Variants in CABIN1 observed in about 807,000 individuals in gnomAD.
The protein encoded by CABIN1 is calcineurin binding protein 1.
Under a neutral mutation model 227.7 loss-of-function variants are expected in CABIN1, and 133 were observed. The observed-to-expected ratio is 0.58, with a 90% CI of 0.51 to 0.67. The LOEUF (loss-of-function observed/expected upper bound fraction) is 0.67, where lower values mean the gene tolerates loss of function less well. CABIN1 is among the 30% of genes least tolerant of loss of function. CABIN1 has a pLI of 0.00. For missense variants in CABIN1, 2,408 were observed against 2,852.5 expected, an observed-to-expected ratio of 0.84 and a Z score of 3.55; for synonymous variants, 1,086 against 1,155.1, an observed-to-expected ratio of 0.94 and a Z score of 1.21.
chr22:24,170,436 C>T (rs983137268), intron 33 of CABIN1, among the ~76,000 whole-genome samples: 19 of 152,208 alleles, frequency 1.2e-4, no homozygotes, highest in South Asian at 6.2e-4. Context: ...CGCTCCTGAG[C>T]GAGCACAGGG....
intron 19 of CABIN1, among the ~76,000 whole-genome samples, chr22:24,080,671 G>T (rs1212226291): frequency 6.6e-6 from 1 of 151,744 alleles, no homozygotes; most frequent in African/African-American, 2.4e-5. Context: ...TTGTTAGATT[G>T]TTGCCTAGGT....
At chr22:24,036,533 G>A (rs1318901802) in intron 3 of CABIN1, among the ~76,000 whole-genome samples, 1 of 152,070 alleles carries the variant, frequency 6.6e-6, no homozygotes, top group African/African-American at 2.4e-5. Context: ...TCACTTTACA[G>A]TGTGATGAGA....
At position 24,178,228 on chromosome 22, in the gene CABIN1, G is replaced by T; in HGVS notation, c.*32G>T. 1 of 1,611,812 alleles carries T rather than the reference G, an allele frequency of 6.2e-7. No individual in the cohort carries two copies. The highest frequency in any genetic ancestry group is 1.1e-5 in the South Asian group (1 of 91,002). ...ACTGCAGCCCCACCGCCACGCCCCAGGGGACCAGCCAGGCCTGGAATGCCC... is the reference window on the plus strand; with the variant it reads ...ACTGCAGCCCCACCGCCACGCCCCATGGGACCAGCCAGGCCTGGAATGCCC... On this transcript the variant is annotated 3_prime_UTR_variant, in exon 37 of 37. Coordinates refer to ENST00000263119, the MANE Select transcript of CABIN1 (RefSeq NM_012295.4).
intron 29 of CABIN1, among the ~76,000 whole-genome samples, chr22:24,162,471 C>T (rs2046214631): frequency 2.0e-5 from 3 of 152,234 alleles, no homozygotes; most frequent in Non-Finnish European, 2.9e-5. Context: ...AGCCCCCATA[C>T]TGGGGCATGT....
In CABIN1 at chr22:24,049,084, C is replaced by T. The variant is rs375776427; in HGVS notation, c.527-7C>T. 1.9e-6 allele frequency: 3 copies of T among 1,613,696 alleles called. No homozygotes were observed. The African/African-American group carries it at 4.0e-5, about 22-fold the overall frequency. On this transcript the variant is annotated splice_polypyrimidine_tract_variant and splice_region_variant and intron_variant, in intron 6 of 36. Coordinates refer to ENST00000263119, the MANE Select transcript of CABIN1 (RefSeq NM_012295.4). Reference sequence around the variant, plus strand: ...CAGAAGTCATAAACTGTCTCTTTCCCCGCCAGCATGTCTGTACTTCATCTG... The same window carrying T: ...CAGAAGTCATAAACTGTCTCTTTCCTCGCCAGCATGTCTGTACTTCATCTG...
chr22:24,072,029 C>T (rs556129177), intron 17 of CABIN1, among the ~76,000 whole-genome samples: 76 of 152,306 alleles, frequency 5.0e-4, no homozygotes, highest in African/African-American at 1.7e-3. Context: ...ACTCTTTGCA[C>T]TTGTGTAGCT....
chr22:24,061,599 GGAAT>G (rs1158439397), intron 12 of CABIN1, among the ~76,000 whole-genome samples: 1 of 152,230 alleles, frequency 6.6e-6, no homozygotes, highest in East Asian at 1.9e-4. Flanking sequence ...AAGTGCCCTG[GGAAT>G]GGTATACCAG....
intron 1 of CABIN1, among the ~76,000 whole-genome samples, chr22:24,032,182 C>A (rs2036546221): frequency 6.6e-6 from 1 of 152,200 alleles, no homozygotes; most frequent in African/African-American, 2.4e-5. Flanking sequence ...CACCATTCTA[C>A]TTTCTGTCTG....
chr22:24,086,000 A>G (rs771051939), intron 22 of CABIN1, among the ~76,000 whole-genome samples: 2 of 152,230 alleles, frequency 1.3e-5, no homozygotes, highest in African/African-American at 2.4e-5. Flanking sequence ...CCACCTTGTC[A>G]GGATCCATCT....
At position 24,062,166 on chromosome 22, in the gene CABIN1, C is replaced by T. The variant is rs539584603; in HGVS notation, c.1696+141C>T. On this transcript the variant is annotated intron_variant, in intron 13 of 36. Coordinates refer to ENST00000263119, the MANE Select transcript of CABIN1 (RefSeq NM_012295.4). ...ATTTTTTGGGTTGGCTTGTCAGGGTCCCAGGGAAATCTCCTGGATACTCAA... is the reference window on the plus strand; with the variant it reads ...ATTTTTTGGGTTGGCTTGTCAGGGTTCCAGGGAAATCTCCTGGATACTCAA... 71 of 723,618 alleles carry T rather than the reference C, an allele frequency of 9.8e-5. 1 individual carries two copies. The South Asian group carries it at 1.0e-3, about 11-fold the overall frequency. 44.8% of individuals were successfully genotyped at this position (723,618 alleles called of 1,614,324 possible).
In CABIN1 at chr22:24,167,095, C is replaced by G. The variant is rs1307769845; in HGVS notation, c.5464C>G (p.Pro1822Ala). 1 of 1,546,116 alleles carries G rather than the reference C, an allele frequency of 6.5e-7. No homozygotes were observed. Among genetic ancestry groups the G allele is most frequent in the South Asian group, 1.2e-5 (1 of 83,882 alleles). ...CACCCCAGCCCAGCCAGCCCCCGCCCCCGCCCCCGCCACCACCACAGGGAC... is the reference window on the plus strand; with the variant it reads ...CACCCCAGCCCAGCCAGCCCCCGCCGCCGCCCCCGCCACCACCACAGGGAC... ...PLTPAQPAPA[P>A]APATTTGTRA... Residue 1822 changes from proline to alanine, a missense_variant, in exon 32 of 37, where the codon CCC becomes GCC. Physicochemically the swap from Pro to Ala is conservative, Grantham distance 27. Around this residue, in one of 3 missense-constraint regions of CABIN1, gnomAD observed 714 missense variants for 773.8 expected, o/e 0.92. Coordinates refer to ENST00000263119, the MANE Select transcript of CABIN1 (RefSeq NM_012295.4).
At chr22:24,106,770 G>T (rs1002898227) in intron 26 of CABIN1, among the ~76,000 whole-genome samples, 3 of 152,134 alleles carry the variant, frequency 2.0e-5, no homozygotes, top group South Asian at 2.1e-4. Flanking sequence ...ATGGAGGCTG[G>T]GGCACTGTCT....
chr22:24,103,400 C>G (rs1238588773), intron 26 of CABIN1: 1 of 152,166 alleles, frequency 6.6e-6, no homozygotes, highest in Non-Finnish European at 1.5e-5. Flanking sequence ...TGTAAAAATG[C>G]AAATTGTGCA....
At chr22:24,127,050 G>A (rs1439866451) in intron 28 of CABIN1, among the ~76,000 whole-genome samples, 2 of 152,010 alleles carry the variant, frequency 1.3e-5, no homozygotes, top group South Asian at 2.1e-4. Context: ...TCGCAAGGTT[G>A]TGGAAGAAGA....
Position 24,093,571 on chromosome 22 carries a change from T to TA in CABIN1, c.3786+1737dup, listed in dbSNP as rs1010261303. 2.7e-5 allele frequency among the ~76,000 whole-genome samples: 4 copies of TA among 148,706 alleles called. No individual in the cohort carries two copies. In the East Asian group the frequency reaches 8.0e-4, roughly 30 times the overall value. ...AAAGAAAGGAAAAAAAAAACTCATT[T>TA]AAAAAAAAATGTTTGGGCCAGGCAT... On this transcript the variant is annotated intron_variant, in intron 24 of 36. Transcript: ENST00000263119.
intron 28 of CABIN1, among the ~76,000 whole-genome samples, chr22:24,133,810 C>T (rs1294054221): frequency 6.6e-6 from 1 of 152,228 alleles, no homozygotes; most frequent in East Asian, 1.9e-4. Context: ...CTCCCCTGGG[C>T]CTGGATTCCA....
At chr22:24,083,138 A>T (rs2040920586) in intron 19 of CABIN1, 90 bp from the exon 20 acceptor site, 6 of 1,336,248 alleles carry the variant, frequency 4.5e-6, no homozygotes, top group Non-Finnish European at 5.4e-6. Context: ...AAAAGAGTTG[A>T]TAGAGTGGTG....
rs374498462 is a variant in CABIN1, at chr22:24,040,644, C to A, written c.211-495C>A. 5.3e-4 allele frequency among the ~76,000 whole-genome samples: 80 copies of A among 152,354 alleles called. 2 individuals are homozygous for A. In the South Asian group the frequency reaches 0.011, roughly 22 times the overall value. On this transcript the variant is annotated intron_variant, in intron 4 of 36. Transcript: ENST00000263119. ...TTTTCTTAATTACAGAGGTCAGACA[C>A]TAACGTTTTAGTTAAATTAGCAATT...
chr22:24,131,916 A>G (rs1226692168), intron 28 of CABIN1, among the ~76,000 whole-genome samples: 2 of 152,140 alleles, frequency 1.3e-5, no homozygotes, highest in African/African-American at 4.8e-5. Context: ...AAATACAAAA[A>G]TTAGCCAGGC....
Sources: allele counts gnomAD v4.1 joint callset (sites outside exome capture counted in the v4.1 genomes callset), GRCh38; gene constraint gnomAD v4.1.1; regional missense constraint gnomAD v4.1.1; transcripts MANE v1.5; gene names NCBI Gene and HGNC (gene_info 2026-07-23, HGNC 2026-07-21).